The following CTDP1 variants were observed in gnomAD, a reference collection of about 807,000 sequenced individuals.
CTDP1 encodes CTD phosphatase 1, also known as RNA polymerase II subunit A C-terminal domain phosphatase.
A neutral mutation model predicts 91.8 loss-of-function variants in CTDP1; 47 were observed. The ratio of observed to expected loss-of-function variants is 0.51; its 90% CI spans 0.41 to 0.65. The LOEUF (loss-of-function observed/expected upper bound fraction) is 0.65, where lower values mean the gene tolerates loss of function less well. Ranked by LOEUF, CTDP1 falls within the 30% of genes least tolerant of loss-of-function variation. The pLI is 0.00. For synonymous variants in CTDP1, 656 were observed against 598.5 expected (o/e 1.10, Z -1.40); for missense variants, 1,272 against 1,373.7 (o/e 0.93, Z 1.17).
chr18:79,697,543 T>A (rs1002433363), intron 3 of CTDP1, among the ~76,000 whole-genome samples: 8 of 152,262 alleles, frequency 5.3e-5, no homozygotes, highest in Non-Finnish European at 1.0e-4. Context: ...GGTTTCTTCA[T>A]TAATTTTGCA....
chr18:79,713,257 G>T lies in CTDP1; in HGVS notation c.1030+119G>T. On this transcript the variant is annotated intron_variant, in intron 7 of 12. Coordinates refer to ENST00000613122, the MANE Select transcript of CTDP1 (RefSeq NM_004715.5). This position sits in a 1 kb window ranked among gnomAD's most constrained non-coding sequence, Gnocchi z 4.7. ...TTCAAGATACACTTTTTTTATTTGT[G>T]TTTCAGTAGAGATTATTGGATTTAT... The T allele has an allele frequency of 2.8e-6, 3 of 1,067,372 alleles. No individual in the cohort carries two copies. The highest frequency in any genetic ancestry group is 4.2e-6 in the Non-Finnish European group (3 of 720,184). The allele number at this position is 1,067,372 out of a possible 1,614,324, so 66.1% of individuals were successfully genotyped here.
intron 4 of CTDP1, among the ~76,000 whole-genome samples, chr18:79,698,219 T>C (rs2085786894): frequency 6.6e-6 from 1 of 152,204 alleles, no homozygotes; most frequent in African/African-American, 2.4e-5. Context: ...CTTCCTTCCG[T>C]GTGTGTGGGA....
At chr18:79,683,812 G>A (rs1020033426) in intron 1 of CTDP1, among the ~76,000 whole-genome samples, 2 of 152,190 alleles carry the variant, frequency 1.3e-5, no homozygotes, top group East Asian at 1.9e-4. Context: ...CATTGCTGAC[G>A]AGGTGTGGGA....
intron 5 of CTDP1, among the ~76,000 whole-genome samples, chr18:79,705,493 T>C (rs1016795469): frequency 1.1e-4 from 16 of 152,044 alleles, no homozygotes; most frequent in Middle Eastern, 3.4e-3. Context: ...CTGTCCTTCA[T>C]GGACAAAGCG....
At chr18:79,690,968 T>A (rs1343311571) in intron 1 of CTDP1, among the ~76,000 whole-genome samples, 1 of 152,238 alleles carries the variant, frequency 6.6e-6, no homozygotes, top group African/African-American at 2.4e-5. Context: ...GCTGCCTGCG[T>A]GCACTGGGCG....
intron 8 of CTDP1, among the ~76,000 whole-genome samples, chr18:79,716,920 C>T (rs563785686): frequency 5.2e-5 from 8 of 152,410 alleles, no homozygotes; most frequent in African/African-American, 1.4e-4. Context: ...GGCTGCCTAT[C>T]CCTGGCCTGG....
At chr18:79,679,266 G>C (rs1010356176), upstream of CTDP1, 1 of 386,092 alleles carries the variant, frequency 2.6e-6, no homozygotes, top group Admixed American at 2.8e-5. Flanking sequence ...CAACCCCCAA[G>C]CTCCCGCGGC....
At chr18:79,702,163 G>T (rs774080667) in intron 4 of CTDP1, among the ~76,000 whole-genome samples, 20 of 152,158 alleles carry the variant, frequency 1.3e-4, no homozygotes, top group African/African-American at 4.3e-4. Flanking sequence ...GAAACCTTTT[G>T]TGAAAGGAAG....
At chr18:79,719,172 TC>T (rs1180537864) in intron 10 of CTDP1, among the ~76,000 whole-genome samples, 1 of 152,226 alleles carries the variant, frequency 6.6e-6, no homozygotes, top group Non-Finnish European at 1.5e-5. Context: ...CTCTAGTTCC[TC>T]CCCGGTTTTC....
chr18:79,717,370 T>TG (rs1216203848), intron 8 of CTDP1, among the ~76,000 whole-genome samples, 165 bp from the exon 9 acceptor site: 46 of 147,452 alleles, frequency 3.1e-4, no homozygotes, highest in Admixed American at 1.7e-3. Flanking sequence ...CCCTGAGCCC[T>TG]GCAGGGGTGC....
At chr18:79,717,727 A>T in intron 9 of CTDP1, 51 bp downstream of exon 9, 1 of 1,613,164 alleles carries the variant, frequency 6.2e-7, no homozygotes, top group Non-Finnish European at 8.5e-7. Context: ...CCCTTGCTGG[A>T]CAGCTGTTGG....
At chr18:79,679,239 G>A, upstream of CTDP1, 1 of 361,270 alleles carries the variant, frequency 2.8e-6, no homozygotes, top group Admixed American at 3.3e-5. Context: ...AGGTGAGGTC[G>A]GAGGAAGAGA....
chr18:79,747,801 C>T (rs1052799746), intron 12 of CTDP1, among the ~76,000 whole-genome samples: 1 of 152,148 alleles, frequency 6.6e-6, no homozygotes, highest in Non-Finnish European at 1.5e-5. Flanking sequence ...CCCGCGGCCA[C>T]GCTGGCAGTG....
Position 79,695,982 on chromosome 18 carries a change from A to G in CTDP1, c.404A>G (p.Gln135Arg), listed in dbSNP as rs1388728931. 11 of 1,612,342 alleles carry G rather than the reference A, an allele frequency of 6.8e-6. No homozygotes were observed. Among genetic ancestry groups the G allele is most frequent in the Non-Finnish European group, 9.3e-6 (11 of 1,179,922 alleles). Residue 135 changes from glutamine (Q) to arginine (R), a missense_variant, in exon 3 of 13, where the codon CAG becomes CGG. Physicochemically the swap from Gln to Arg is conservative, Grantham distance 43 (BLOSUM62 1). Coordinates refer to ENST00000613122, the MANE Select transcript of CTDP1 (RefSeq NM_004715.5). ...ACCTGTCCTTGCACTTGCAGGTTGC[A>G]GAGTAAGAACGGGAAGCAGCAGGTG... The part of the protein sequence containing the change: ...AECGQDLTQL[Q>R]SKNGKQQVPL...
At chr18:79,681,200 G>C (rs2085358622) in intron 1 of CTDP1, among the ~76,000 whole-genome samples, 1 of 152,240 alleles carries the variant, frequency 6.6e-6, no homozygotes, top group African/African-American at 2.4e-5. Context: ...ACTGGGACAG[G>C]AGTCTTCCCG....
At chr18:79,690,263 C>A (rs1244362359) in intron 1 of CTDP1, among the ~76,000 whole-genome samples, 1 of 152,138 alleles carries the variant, frequency 6.6e-6, no homozygotes, top group Non-Finnish European at 1.5e-5. Flanking sequence ...TGCCCTCGGA[C>A]CTCCCCTGAG....
intron 5 of CTDP1, among the ~76,000 whole-genome samples, chr18:79,707,319 G>T (rs756234182): frequency 1.3e-5 from 2 of 152,204 alleles, no homozygotes; most frequent in African/African-American, 4.8e-5. Flanking sequence ...TTCTTTATCA[G>T]CCTGAAAGCT....
At chr18:79,679,700 G>T, upstream of CTDP1, 1 of 534,510 alleles carries the variant, frequency 1.9e-6, no homozygotes, top group Non-Finnish European at 3.6e-6. Context: ...ACGCAGGGTT[G>T]GTCCCAGGAC....
intron 5 of CTDP1, 107 bp from the exon 6 acceptor site, chr18:79,710,239 A>G (rs1253607482): frequency 1.1e-6 from 1 of 882,530 alleles, no homozygotes; most frequent in Non-Finnish European, 1.9e-6. Context: ...CCAGTTCATC[A>G]TGTTGTGTGT....
Sources: allele counts gnomAD v4.1 joint callset (sites outside exome capture counted in the v4.1 genomes callset), GRCh38; gene constraint gnomAD v4.1.1; non-coding constraint Gnocchi (gnomAD v3.1); transcripts MANE v1.5; gene names NCBI Gene and HGNC (gene_info 2026-07-23, HGNC 2026-07-21).